Variants in CNTNAP5 observed in about 807,000 individuals in gnomAD.
The protein encoded by CNTNAP5 is contactin associated protein family member 5.
CNTNAP5 carries 72 observed loss-of-function variants against 150.2 expected under a neutral mutation model. The ratio of observed to expected loss-of-function variants is 0.48; its 90% CI spans 0.40 to 0.58. The LOEUF (loss-of-function observed/expected upper bound fraction) is 0.58. CNTNAP5 is among the 20% of genes least tolerant of loss of function. CNTNAP5 has a pLI of 0.00. For synonymous variants in CNTNAP5, 672 were observed against 619.8 expected (o/e 1.08, Z -1.25); for missense variants, 1,636 against 1,626.2 (o/e 1.01, Z -0.10).
In CNTNAP5 at chr2:124,654,095, G is replaced by T. The variant is rs536852051; in HGVS notation, c.2077+6137G>T. 2.0e-5 allele frequency among the ~76,000 whole-genome samples: 3 copies of T among 152,244 alleles called. No individual in the cohort carries two copies. The South Asian group carries it at 6.2e-4, about 32-fold the overall frequency. On this transcript the variant is annotated intron_variant, in intron 13 of 23. Transcript: ENST00000682447. ...ACCCTGAGTGAAGGGACAGGATGAG[G>T]CAGGTGCCTTTTTGGGGCAGAAGAT... is the stretch of plus-strand genomic sequence containing the variant.
At chr2:124,706,547 G>T (rs1417009369) in intron 13 of CNTNAP5, among the ~76,000 whole-genome samples, 1 of 151,920 alleles carries the variant, frequency 6.6e-6, no homozygotes, top group Non-Finnish European at 1.5e-5. Context: ...AGGAGTTCAA[G>T]ACCAGCTTGG....
At chr2:124,396,877 C>T (rs1005929043) in intron 3 of CNTNAP5, among the ~76,000 whole-genome samples, 2 of 152,120 alleles carry the variant, frequency 1.3e-5, no homozygotes, top group African/African-American at 4.8e-5. Context: ...GAATACAGGT[C>T]CCCCAGTATT....
At chr2:124,876,752 AACC>A (rs1168791117) in intron 21 of CNTNAP5, among the ~76,000 whole-genome samples, 3 of 152,044 alleles carry the variant, frequency 2.0e-5, no homozygotes, top group Non-Finnish European at 1.5e-5. Flanking sequence ...TAAATCTCCA[AACC>A]ACAGCCTTTT....
intron 1 of CNTNAP5, among the ~76,000 whole-genome samples, chr2:124,187,293 G>T (rs1685357787): frequency 6.6e-6 from 1 of 152,156 alleles, no homozygotes; most frequent in South Asian, 2.1e-4. Context: ...TGCATAACTG[G>T]TGGCTGAGGT....
chr2:124,405,240 C>A (rs1691540355), intron 3 of CNTNAP5, among the ~76,000 whole-genome samples: 2 of 152,074 alleles, frequency 1.3e-5, no homozygotes, highest in Admixed American at 6.6e-5. Flanking sequence ...AGATGTACTG[C>A]AAATTCAGAA....
rs376943412 is a variant in CNTNAP5, at chr2:124,271,466, G to A, written c.381+29073G>A. On this transcript the variant is annotated intron_variant, in intron 3 of 23. Transcript: ENST00000682447. ...GAGAAAAAGGTGGCCTCTGGGTAAC[G>A]ATGTAACAGGATGAATGTGTGGTTT... Among the ~76,000 whole-genome samples, 48 of 152,176 alleles carry A rather than the reference G, an allele frequency of 3.2e-4. No individual in the cohort carries two copies. In the East Asian group the frequency reaches 7.6e-3, roughly 24 times the overall value.
intron 21 of CNTNAP5, among the ~76,000 whole-genome samples, chr2:124,882,307 G>T (rs894394997): frequency 1.3e-5 from 2 of 152,076 alleles, no homozygotes; most frequent in African/African-American, 2.4e-5. Flanking sequence ...CTCTGCCGGG[G>T]TGCAGCATAG....
chr2:124,514,385 AT>A lies in CNTNAP5; in HGVS notation c.1327+9838del, dbSNP rs780130707. Reference sequence around the variant, plus strand: ...CAAAAGAGGAATTGCAGGAGATAGAATTTTTTTTTATCATAGATTAATCTTC... The same window carrying A: ...CAAAAGAGGAATTGCAGGAGATAGAATTTTTTTTATCATAGATTAATCTTC... On this transcript the variant is annotated intron_variant, in intron 8 of 23. Coordinates refer to ENST00000682447, the MANE Select transcript of CNTNAP5 (RefSeq NM_001367498.1). 7.2e-5 allele frequency among the ~76,000 whole-genome samples: 11 copies of A among 152,018 alleles called. No homozygotes were observed. In the East Asian group the frequency reaches 7.7e-4, roughly 11 times the overall value.
At chr2:124,564,423 T>C in intron 11 of CNTNAP5, among the ~76,000 whole-genome samples, 1 of 152,186 alleles carries the variant, frequency 6.6e-6, no homozygotes, top group East Asian at 1.9e-4. Flanking sequence ...TGGCACGATC[T>C]TGGCTCACTG....
chr2:124,089,743 T>A (rs1357800603), intron 1 of CNTNAP5, among the ~76,000 whole-genome samples: 1 of 152,228 alleles, frequency 6.6e-6, no homozygotes. Flanking sequence ...TGAGTTCACT[T>A]ATTTATCATT....
intron 2 of CNTNAP5, among the ~76,000 whole-genome samples, chr2:124,231,269 G>A (rs973441061): frequency 2.0e-5 from 3 of 152,138 alleles, no homozygotes; most frequent in East Asian, 1.9e-4. Flanking sequence ...AGTTGGCTAA[G>A]TTATTAAAAA....
intron 5 of CNTNAP5, among the ~76,000 whole-genome samples, chr2:124,443,636 A>T (rs1692729606): frequency 2.0e-5 from 3 of 152,126 alleles, no homozygotes; most frequent in Admixed American, 1.3e-4. Context: ...AAATAAAATC[A>T]GTTTGACTGA....
intron 1 of CNTNAP5, among the ~76,000 whole-genome samples, chr2:124,048,220 G>A (rs1489740867): frequency 6.6e-6 from 1 of 152,104 alleles, no homozygotes; most frequent in African/African-American, 2.4e-5. Context: ...TGGTGTCATG[G>A]GGGAATGCTT....
At position 124,758,642 on chromosome 2, in the gene CNTNAP5, C is replaced by G. The variant is rs573678391; in HGVS notation, c.2235-5030C>G. ...AAGGGTGCAGAGGAAGATGAGATGA[C>G]AGAATGCAGGCAATTATCTGAAGAA... On this transcript the variant is annotated intron_variant, in intron 14 of 23. Transcript: ENST00000682447. Among the ~76,000 whole-genome samples the G allele has an allele frequency of 5.9e-5, 9 of 151,970 alleles. No individual in the cohort carries two copies. In the South Asian group the frequency reaches 1.9e-3, roughly 32 times the overall value.
At chr2:124,657,287 C>G (rs72845040) in intron 13 of CNTNAP5, among the ~76,000 whole-genome samples, 1 of 152,152 alleles carries the variant, frequency 6.6e-6, no homozygotes, top group East Asian at 1.9e-4. Context: ...TTCCTCTCCC[C>G]ATTTCTGCCA....
intron 13 of CNTNAP5, among the ~76,000 whole-genome samples, chr2:124,666,979 A>G (rs1463276089): frequency 6.6e-6 from 1 of 152,108 alleles, no homozygotes; most frequent in Non-Finnish European, 1.5e-5. Flanking sequence ...TCTGGACATT[A>G]AATACACATT....
intron 1 of CNTNAP5, among the ~76,000 whole-genome samples, chr2:124,183,146 A>G (rs1466650478): frequency 6.6e-6 from 1 of 152,222 alleles, no homozygotes; most frequent in East Asian, 1.9e-4. Context: ...CTCTATGGAC[A>G]TTAATTGCTA....
intron 22 of CNTNAP5, among the ~76,000 whole-genome samples, chr2:124,904,070 A>C (rs1042385704): frequency 6.0e-5 from 9 of 150,546 alleles, no homozygotes; most frequent in East Asian, 3.9e-4. Flanking sequence ...AAAAACAAAA[A>C]AAAAAAAACC....
intron 13 of CNTNAP5, among the ~76,000 whole-genome samples, chr2:124,660,212 G>A (rs1304943473): frequency 1.3e-5 from 2 of 152,154 alleles, no homozygotes; most frequent in African/African-American, 2.4e-5. Flanking sequence ...CCATGTGGAT[G>A]GAGGTAGAGA....
Sources: gnomAD v4.1 joint callset for allele counts (sites outside exome capture counted in the v4.1 genomes callset) on GRCh38, gnomAD v4.1.1 for gene constraint, MANE v1.5 for transcripts, NCBI Gene and HGNC (gene_info 2026-07-23, HGNC 2026-07-21) for gene names.